Variants in PCYT1A observed in about 807,000 individuals in gnomAD.
PCYT1A encodes phosphate cytidylyltransferase 1A, choline.
A neutral mutation model predicts 43.7 loss-of-function variants in PCYT1A; 25 were observed. The observed-to-expected ratio is 0.57, with a 90% CI of 0.42 to 0.80. The LOEUF (loss-of-function observed/expected upper bound fraction) is 0.80, where lower values mean the gene tolerates loss of function less well. Among genes scored for constraint, PCYT1A ranks in the 30% least tolerant of loss-of-function variants. PCYT1A has a pLI of 0.00. For missense variants in PCYT1A, 421 were observed against 474.2 expected (o/e 0.89, Z 1.04); for synonymous variants, 172 against 170.7 (o/e 1.01, Z -0.06).
At chr3:196,280,935 A>G (rs1156377788) in intron 1 of PCYT1A, among the ~76,000 whole-genome samples, 21 of 152,212 alleles carry the variant, frequency 1.4e-4, no homozygotes, top group Admixed American at 1.3e-3. Flanking sequence ...TTGCAATTAC[A>G]TATGCTATTC....
intron 5 of PCYT1A, among the ~76,000 whole-genome samples, chr3:196,246,677 G>A (rs1724579346): frequency 6.6e-6 from 1 of 152,190 alleles, no homozygotes; most frequent in Admixed American, 6.5e-5. Context: ...TGAAACTTAA[G>A]CCAAGAAAAG....
chr3:196,247,406 C>A lies in PCYT1A; in HGVS notation c.447G>T (p.Ala149=), dbSNP rs148164659. Residue 149 remains alanine (A), a synonymous_variant, in exon 5 of 9, where the codon GCG becomes GCT. Coordinates refer to ENST00000431016, the MANE Select transcript of PCYT1A (RefSeq NM_001312673.2). The surrounding 1 kb of genome is among the most constrained non-coding windows in gnomAD (Gnocchi z 4.8). The stretch of plus-strand genomic sequence containing the variant: ...GGAACTCGGGTGTCAGCGTCCAGGG[C>A]GCATTCCTCACCACCTCATCCACGT... ...CRYVDEVVRN[A]PWTLTPEFLA... 5.6e-6 allele frequency: 9 copies of A among 1,614,088 alleles called. No homozygotes were observed. The South Asian group carries it at 8.8e-5, about 16-fold the overall frequency.
chr3:196,265,710 C>T (rs1459187505), intron 2 of PCYT1A, among the ~76,000 whole-genome samples: 3 of 151,798 alleles, frequency 2.0e-5, no homozygotes, highest in Admixed American at 2.0e-4. Flanking sequence ...ATAGCTTGAG[C>T]CCAGGGCAAC....
chr3:196,235,944 CCA>C lies in PCYT1A; in HGVS notation c.*2742_*2743del, dbSNP rs944041139. The C allele has an allele frequency of 5.3e-5, 8 of 152,234 alleles. No individual in the cohort carries two copies. The highest frequency in any genetic ancestry group is 1.2e-4 in the Non-Finnish European group (8 of 68,062). The allele number at this position is 152,234 out of a possible 1,614,324, so 9.4% of individuals were successfully genotyped here. A position where few individuals can be genotyped will look rare whatever the true frequency, so the allele number is the denominator to read the frequency against. On this transcript the variant is annotated 3_prime_UTR_variant, in exon 9 of 9. Transcript: ENST00000431016. This position sits in a 1 kb window ranked among gnomAD's most constrained non-coding sequence, Gnocchi z 4.3. ...CATTTACCCCAAAGTATCTAACAGG[CCA>C]CACTATAAAAGATTTTAGCTTTCAG...
At position 196,247,825 on chromosome 3, in the gene PCYT1A, A is replaced by G. The variant is rs1004126303; in HGVS notation, c.335-307T>C. ...GTCTGCATCAATTAAGTCCTTAAAC[A>G]TGTTTTCCTGTTTTATTCACACTGG... On this transcript the variant is annotated intron_variant, in intron 4 of 8. Coordinates refer to ENST00000431016, the MANE Select transcript of PCYT1A (RefSeq NM_001312673.2). This position sits in a 1 kb window ranked among gnomAD's most constrained non-coding sequence, Gnocchi z 4.8. 2 of 536,450 alleles carry G rather than the reference A, an allele frequency of 3.7e-6. No homozygotes were observed. The highest frequency in any genetic ancestry group is 2.8e-5 in the Admixed American group (1 of 36,158). 33.2% of individuals were successfully genotyped at this position (536,450 alleles called of 1,614,324 possible).
At chr3:196,248,538 A>C (rs1724643060) in intron 3 of PCYT1A, among the ~76,000 whole-genome samples, 1 of 151,510 alleles carries the variant, frequency 6.6e-6, no homozygotes, top group African/African-American at 2.4e-5. Flanking sequence ...CGCCTGCCTA[A>C]TTTTTGTGTT....
chr3:196,283,772 C>T (rs1048805352), intron 1 of PCYT1A, among the ~76,000 whole-genome samples: 5 of 152,122 alleles, frequency 3.3e-5, no homozygotes, highest in Non-Finnish European at 7.3e-5. Context: ...AAAGGAGATG[C>T]CAGAAGCTGC....
At position 196,247,549 on chromosome 3, in the gene PCYT1A, G is replaced by A; in HGVS notation, c.335-31C>T. ...TCACCACATCATAAATTGTGTGTTG[G>A]AGTCCTCTTTGCTTAGCACCTCCTC... On this transcript the variant is annotated intron_variant, in intron 4 of 8. Transcript: ENST00000431016. This position sits in a 1 kb window ranked among gnomAD's most constrained non-coding sequence, Gnocchi z 4.8. 1 of 1,611,428 alleles carries A rather than the reference G, an allele frequency of 6.2e-7. No homozygotes were observed. The highest frequency in any genetic ancestry group is 1.7e-5 in the Admixed American group (1 of 60,016).
At chr3:196,256,693 C>A (rs776822538) in intron 3 of PCYT1A, among the ~76,000 whole-genome samples, 45 of 152,152 alleles carry the variant, frequency 3.0e-4, no homozygotes, top group Non-Finnish European at 5.1e-4. Flanking sequence ...GTGCCCACCA[C>A]CACGCCCAGC....
In PCYT1A at chr3:196,252,035, G is replaced by A. The variant is rs528753703; in HGVS notation, c.218-3712C>T. On this transcript the variant is annotated intron_variant, in intron 3 of 8. Transcript: ENST00000431016. This position sits in a 1 kb window ranked among gnomAD's most constrained non-coding sequence, Gnocchi z 4.0. ...AATGATCCTCCCGCCTCAGCCTCCC[G>A]AGAAGCTGGGACTACAGCGCACACC... is the stretch of plus-strand genomic sequence containing the variant. 1.9e-4 allele frequency among the ~76,000 whole-genome samples: 28 copies of A among 150,864 alleles called. No individual in the cohort carries two copies. Among genetic ancestry groups the A allele is most frequent in the African/African-American group, 6.6e-4 (27 of 40,920 alleles).
intron 2 of PCYT1A, among the ~76,000 whole-genome samples, chr3:196,265,095 G>A (rs897007473): frequency 2.0e-5 from 3 of 151,096 alleles, no homozygotes; most frequent in African/African-American, 4.9e-5. Context: ...ACAGAGTCTC[G>A]CTTTGTTGCC....
intron 2 of PCYT1A, among the ~76,000 whole-genome samples, chr3:196,261,802 A>G (rs1725118657): frequency 6.6e-6 from 1 of 152,088 alleles, no homozygotes; most frequent in Non-Finnish European, 1.5e-5. Context: ...AAAAAAAAAA[A>G]AAGAGATATT....
chr3:196,280,570 G>GTTTTTTTTTTTTTTTTTTTTTTT, intron 1 of PCYT1A, among the ~76,000 whole-genome samples: 3 of 91,344 alleles, frequency 3.3e-5, no homozygotes, highest in Non-Finnish European at 4.2e-5. Flanking sequence ...TATTTTTATT[G>GTTTTTTTTTTTTTTTTTTTTTTT]TTTTTTTTTT....
chr3:196,265,288 AAAC>A (rs1448482479), intron 2 of PCYT1A, among the ~76,000 whole-genome samples: 45 of 151,826 alleles, frequency 3.0e-4, no homozygotes, highest in African/African-American at 1.0e-3. Flanking sequence ...GGCTGGTCTC[AAAC>A]TCCTGACCTC....
intron 3 of PCYT1A, among the ~76,000 whole-genome samples, chr3:196,249,856 G>C (rs979280143): frequency 6.6e-6 from 1 of 151,728 alleles, no homozygotes; most frequent in African/African-American, 2.4e-5. Flanking sequence ...ACTATGCTGA[G>C]GCTGAGGACC....
chr3:196,242,430 T>C lies in PCYT1A; in HGVS notation c.565+132A>G. On this transcript the variant is annotated intron_variant, in intron 6 of 8. Transcript: ENST00000431016. This position sits in a 1 kb window ranked among gnomAD's most constrained non-coding sequence, Gnocchi z 4.2. ...TGGGTGCTATGCTCATCTTTACCTT[T>C]TATCCAAAATGTGGCCTGAAAGAGG... 2.7e-6 allele frequency: 2 copies of C among 752,690 alleles called. No individual in the cohort carries two copies. Among genetic ancestry groups the C allele is most frequent in the Non-Finnish European group, 4.9e-6 (2 of 409,778 alleles). The allele number at this position is 752,690 out of a possible 1,614,324, so 46.6% of individuals were successfully genotyped here.
chr3:196,236,611 C>T lies in PCYT1A; in HGVS notation c.*2077G>A, dbSNP rs1306011730. On this transcript the variant is annotated 3_prime_UTR_variant, in exon 9 of 9. Transcript: ENST00000431016. ...CTCTGTGACGCTCTTTCTGGGTGAT[C>T]CAAGTTTTGTTTTTTTTCTAGTTGA... 1 of 152,142 alleles carries T rather than the reference C, an allele frequency of 6.6e-6. No homozygotes were observed. The highest frequency in any genetic ancestry group is 1.5e-5 in the Non-Finnish European group (1 of 68,038). 9.4% of individuals were successfully genotyped at this position (152,142 alleles called of 1,614,324 possible).
chr3:196,248,197 G>A lies in PCYT1A; in HGVS notation c.334+10C>T, dbSNP rs1383916174. The A allele has an allele frequency of 6.7e-7, 1 of 1,491,222 alleles. No individual in the cohort carries two copies. The highest frequency in any genetic ancestry group is 1.1e-5 in the South Asian group (1 of 88,634). The allele number at this position is 1,491,222 out of a possible 1,614,324, so 92.4% of individuals were successfully genotyped here. A position where few individuals can be genotyped will look rare whatever the true frequency, so the allele number is the denominator to read the frequency against. On this transcript the variant is annotated intron_variant, in intron 4 of 8. Coordinates refer to ENST00000431016, the MANE Select transcript of PCYT1A (RefSeq NM_001312673.2). ...TGCACAGCACCTGAAGTCACCAAAT[G>A]TTTTCTTACCTCCCACAATGAGGTA...
chr3:196,247,868 T>G lies in PCYT1A; in HGVS notation c.334+339A>C. On this transcript the variant is annotated intron_variant, in intron 4 of 8. Coordinates refer to ENST00000431016, the MANE Select transcript of PCYT1A (RefSeq NM_001312673.2). The surrounding 1 kb of genome is among the most constrained non-coding windows in gnomAD (Gnocchi z 4.8). The stretch of plus-strand genomic sequence containing the variant: ...CACACTGGACTGGACCACCTAACAT[T>G]TCCTTGGCAGACTTTTGTACTCCAG... 3 of 484,928 alleles carry G rather than the reference T, an allele frequency of 6.2e-6. No homozygotes were observed. Among genetic ancestry groups the G allele is most frequent in the Non-Finnish European group, 1.1e-5 (3 of 264,456 alleles). The allele number at this position is 484,928 out of a possible 1,614,324, so 30.0% of individuals were successfully genotyped here.
Sources: allele counts gnomAD v4.1 joint callset (sites outside exome capture counted in the v4.1 genomes callset), GRCh38; gene constraint gnomAD v4.1.1; non-coding constraint Gnocchi (gnomAD v3.1); transcripts MANE v1.5; gene names NCBI Gene and HGNC (gene_info 2026-07-23, HGNC 2026-07-21).